The following CACNB2 variants were observed in gnomAD, a reference collection of about 807,000 sequenced individuals.
The protein encoded by CACNB2 is voltage-dependent L-type calcium channel subunit beta-2.
Under a neutral mutation model 73.3 loss-of-function variants are expected in CACNB2, and 42 were observed. That is an observed-to-expected ratio of 0.57 (90% CI 0.45 to 0.74). The LOEUF (loss-of-function observed/expected upper bound fraction) is 0.74, where lower values mean the gene tolerates loss of function less well. Ranked by LOEUF, CACNB2 falls within the 30% of genes least tolerant of loss-of-function variation. CACNB2 has a pLI of 0.00. For missense variants in CACNB2, 940 were observed against 853.0 expected (o/e 1.10, Z -1.27); for synonymous variants, 348 against 310.3 (o/e 1.12, Z -1.28).
intron 2 of CACNB2, among the ~76,000 whole-genome samples, chr10:18,251,537 C>T (rs1326502228): frequency 1.3e-5 from 2 of 152,346 alleles, no homozygotes; most frequent in East Asian, 3.9e-4. Flanking sequence ...CGTGGGCCAC[C>T]ATGCCCGGCC....
At chr10:18,490,123 C>T (rs1253753990) in intron 3 of CACNB2, among the ~76,000 whole-genome samples, 2 of 152,158 alleles carry the variant, frequency 1.3e-5, no homozygotes, top group Non-Finnish European at 2.9e-5. Flanking sequence ...AGCAATCCAC[C>T]TGCCTCTGAT....
chr10:18,199,048 C>T (rs1356047744), intron 2 of CACNB2, among the ~76,000 whole-genome samples: 1 of 152,082 alleles, frequency 6.6e-6, no homozygotes, highest in East Asian at 1.9e-4. Flanking sequence ...TGAGTTAGCA[C>T]CTTGCAACTC....
rs59205683 is a variant in CACNB2 at position 18,358,497 on chromosome 10, G to GCTCTCTCTCTCTCTCTCTCTCT, written c.214-43393_214-43372dup. On this transcript the variant is annotated intron_variant, in intron 2 of 13. Transcript: ENST00000324631. The stretch of plus-strand genomic sequence containing the variant: ...GGGAAATTCCTTTTCTAATGAGCAC[G>GCTCTCTCTCTCTCTCTCTCTCT]CTCTCTCTCTCTCTCTCTCTCTCTC... 1.2e-4 allele frequency among the ~76,000 whole-genome samples: 12 copies of GCTCTCTCTCTCTCTCTCTCTCT among 104,332 alleles called. 1 individual carries two copies. Among genetic ancestry groups the GCTCTCTCTCTCTCTCTCTCTCT allele is most frequent in the East Asian group, 4.2e-4 (1 of 2,396 alleles). The allele number at this position is 104,332 out of a possible 152,430, so 68.4% of individuals were successfully genotyped here.
chr10:18,294,387 G>A (rs16917153), intron 2 of CACNB2, among the ~76,000 whole-genome samples: 1,651 of 152,276 alleles, frequency 0.011, 29 homozygotes, highest in African/African-American at 0.037. Context: ...ACAAGGGTTC[G>A]ACATTCATTC....
intron 2 of CACNB2, among the ~76,000 whole-genome samples, chr10:18,184,485 C>T (rs2034047841): frequency 6.6e-6 from 1 of 151,994 alleles, no homozygotes; most frequent in African/African-American, 2.4e-5. Context: ...AATTAATGAA[C>T]TAATACTGAT....
intron 2 of CACNB2, among the ~76,000 whole-genome samples, chr10:18,342,709 A>G (rs1201069334): frequency 6.6e-6 from 1 of 152,178 alleles, no homozygotes; most frequent in Non-Finnish European, 1.5e-5. Flanking sequence ...CTCTTTTTAA[A>G]GTCTTTATAA....
At chr10:18,323,214 C>T (rs927182721) in intron 2 of CACNB2, among the ~76,000 whole-genome samples, 3 of 152,066 alleles carry the variant, frequency 2.0e-5, no homozygotes, top group Non-Finnish European at 4.4e-5. Context: ...TCGCCTCAGC[C>T]TCCCAAGGTG....
At chr10:18,170,461 T>A (rs2033146874) in intron 2 of CACNB2, among the ~76,000 whole-genome samples, 1 of 152,216 alleles carries the variant, frequency 6.6e-6, no homozygotes, top group South Asian at 2.1e-4. Flanking sequence ...CTGATGGCAT[T>A]GAGAGTGAGT....
At chr10:18,176,389 G>C (rs2033592483) in intron 2 of CACNB2, among the ~76,000 whole-genome samples, 1 of 152,124 alleles carries the variant, frequency 6.6e-6, no homozygotes, top group Non-Finnish European at 1.5e-5. Context: ...GCTTTAAATA[G>C]GGAAATAGAG....
At position 18,527,716 on chromosome 10, in the gene CACNB2, C is replaced by CTTAA; in HGVS notation, c.1054+20_1054+23dup. Reference sequence around the variant, plus strand: ...AGCTTAGGTAAGTCTGTGCAATGAGCTTAAGCTTTTTAAACTCTCCTCTCC... The same window carrying CTTAA: ...AGCTTAGGTAAGTCTGTGCAATGAGCTTAATTAAGCTTTTTAAACTCTCCTCTCC... On this transcript the variant is annotated intron_variant, in intron 10 of 13. Transcript: ENST00000324631. 1 of 1,492,860 alleles carries CTTAA rather than the reference C, an allele frequency of 6.7e-7. No homozygotes were observed. Among genetic ancestry groups the CTTAA allele is most frequent in the Non-Finnish European group, 9.3e-7 (1 of 1,071,380 alleles). 92.5% of individuals were successfully genotyped at this position (1,492,860 alleles called of 1,614,324 possible).
intron 3 of CACNB2, among the ~76,000 whole-genome samples, chr10:18,436,755 G>A (rs1040432217): frequency 6.6e-6 from 1 of 152,208 alleles, no homozygotes; most frequent in African/African-American, 2.4e-5. Flanking sequence ...AATAAATCAT[G>A]TTTATTTTTT....
chr10:18,446,844 C>T (rs531734474), intron 3 of CACNB2, among the ~76,000 whole-genome samples: 265 of 152,146 alleles, frequency 1.7e-3, no homozygotes, highest in Non-Finnish European at 2.4e-3. Context: ...GCAGGAGGAT[C>T]GCTGGAGCCC....
chr10:18,231,286 C>A (rs768019703), intron 2 of CACNB2, among the ~76,000 whole-genome samples: 1 of 152,208 alleles, frequency 6.6e-6, no homozygotes, highest in Non-Finnish European at 1.5e-5. Context: ...AAGTGATTCT[C>A]CTGCCTCAGC....
intron 2 of CACNB2, chr10:18,238,661 T>C (rs2036537270): frequency 6.6e-6 from 1 of 152,336 alleles, no homozygotes; most frequent in East Asian, 1.9e-4. Flanking sequence ...AGTATGGGAT[T>C]GTAGTGATTC....
At chr10:18,493,548 A>T (rs573590896) in intron 3 of CACNB2, among the ~76,000 whole-genome samples, 10 of 152,264 alleles carry the variant, frequency 6.6e-5, no homozygotes, top group African/African-American at 2.4e-4. Context: ...TTATCAAGGG[A>T]TGACTATACA....
chr10:18,287,554 G>C (rs1360103237), intron 2 of CACNB2, among the ~76,000 whole-genome samples: 2 of 149,970 alleles, frequency 1.3e-5, no homozygotes, highest in African/African-American at 4.9e-5. Context: ...CTGAAGCCTG[G>C]AAATTCAAAA....
chr10:18,455,363 A>T (rs940429328), intron 3 of CACNB2, among the ~76,000 whole-genome samples: 5 of 152,322 alleles, frequency 3.3e-5, no homozygotes, highest in African/African-American at 1.2e-4. Context: ...ATGAGTGCTG[A>T]TAGAGTTACT....
chr10:18,283,199 G>A (rs2038629132), intron 2 of CACNB2, among the ~76,000 whole-genome samples: 1 of 152,178 alleles, frequency 6.6e-6, no homozygotes, highest in Non-Finnish European at 1.5e-5. Flanking sequence ...TGGAGAAATA[G>A]GAACACTTTT....
At chr10:18,498,975 G>T (rs1320334132) in intron 4 of CACNB2, among the ~76,000 whole-genome samples, 1 of 152,036 alleles carries the variant, frequency 6.6e-6, no homozygotes, top group East Asian at 1.9e-4. Context: ...CACCAATAAG[G>T]CAACAAAGAG....
Sources: gnomAD v4.1 joint callset for allele counts (sites outside exome capture counted in the v4.1 genomes callset) on GRCh38, gnomAD v4.1.1 for gene constraint, MANE v1.5 for transcripts, NCBI Gene and HGNC (gene_info 2026-07-23, HGNC 2026-07-21) for gene names.